Variants in GALNT5 observed in about 807,000 individuals in gnomAD.
GALNT5 encodes the protein UDP-GalNAc:polypeptide N-acetylgalactosaminyltransferase 5.
Under a neutral mutation model 85.4 loss-of-function variants are expected in GALNT5, and 72 were observed. The ratio of observed to expected loss-of-function variants is 0.84; its 90% CI spans 0.70 to 1.03. The LOEUF (loss-of-function observed/expected upper bound fraction) is 1.03. Ranked by LOEUF, GALNT5 falls within the 50% of genes least tolerant of loss-of-function variation. The pLI, the probability that GALNT5 is intolerant of heterozygous loss-of-function variation, is 0.00. For missense variants in GALNT5, 1,137 were observed against 1,135.5 expected (o/e 1.00, Z -0.02); for synonymous variants, 404 against 397.0 (o/e 1.02, Z -0.21).
Position 157,295,885 on chromosome 2 carries a change from T to C in GALNT5, c.1877+87T>C, listed in dbSNP as rs1245217838. 6.2e-6 allele frequency: 6 copies of C among 961,202 alleles called. No individual in the cohort carries two copies. In the East Asian group the frequency reaches 1.2e-4, roughly 20 times the overall value. 59.5% of individuals were successfully genotyped at this position (961,202 alleles called of 1,614,324 possible). On this transcript the variant is annotated intron_variant, in intron 4 of 9. Coordinates refer to ENST00000259056, the MANE Select transcript of GALNT5 (RefSeq NM_014568.3). ...GTGCTGAGTATATGCCTAATATGTG[T>C]GTTTTTTCAAAATCCAAGACATATA...
rs2105179411 is a variant in GALNT5 at position 157,316,974 on chromosome 2, A to C, written c.*5626A>C. Reference sequence around the variant, plus strand: ...AATGAGTCACCATCAAATAAGTAATAAATATTTTTTTCAAAAACAAGAGCT... The same window carrying C: ...AATGAGTCACCATCAAATAAGTAATCAATATTTTTTTCAAAAACAAGAGCT... On this transcript the variant is annotated 3_prime_UTR_variant, in exon 10 of 10. Transcript: ENST00000259056. 6.6e-6 allele frequency among the ~76,000 whole-genome samples: 1 copy of C among 152,040 alleles called. No individual in the cohort carries two copies. Among genetic ancestry groups the C allele is most frequent in the Admixed American group, 6.6e-5 (1 of 15,252 alleles).
At chr2:157,303,456 G>A (rs1397130775) in intron 7 of GALNT5, among the ~76,000 whole-genome samples, 4 of 152,092 alleles carry the variant, frequency 2.6e-5, no homozygotes, top group Non-Finnish European at 5.9e-5. Context: ...ATTGGAAAAT[G>A]AAATAATACA....
chr2:157,264,597 GTT>G (rs113192643), intron 1 of GALNT5, among the ~76,000 whole-genome samples: 2 of 151,002 alleles, frequency 1.3e-5, no homozygotes, highest in Admixed American at 1.3e-4. Flanking sequence ...CTAAAGAAAG[GTT>G]TTTTTTTGGC....
chr2:157,284,183 T>A, intron 1 of GALNT5, 99 bp from the exon 2 acceptor site: 1 of 826,596 alleles, frequency 1.2e-6, no homozygotes, highest in South Asian at 1.4e-5. Context: ...ACAGATTAAG[T>A]GTGTGTGTAT....
chr2:157,303,617 C>G (rs1462067606), intron 7 of GALNT5, among the ~76,000 whole-genome samples: 3 of 151,202 alleles, frequency 2.0e-5, no homozygotes, highest in Non-Finnish European at 1.5e-5. Flanking sequence ...CAAAACACTT[C>G]AGAGATGATG....
chr2:157,279,306 T>A (rs750924764), intron 1 of GALNT5, among the ~76,000 whole-genome samples: 4 of 152,202 alleles, frequency 2.6e-5, no homozygotes, highest in Non-Finnish European at 1.5e-5. Flanking sequence ...AGGCAGTCTG[T>A]CCATTCTCAG....
chr2:157,288,173 A>G (rs1322236979), intron 3 of GALNT5, among the ~76,000 whole-genome samples: 2 of 152,294 alleles, frequency 1.3e-5, no homozygotes, highest in Middle Eastern at 6.8e-3. Context: ...TGCTTACCTG[A>G]GTTTAATTTT....
chr2:157,283,096 A>G (rs954761010), intron 1 of GALNT5, among the ~76,000 whole-genome samples: 3 of 152,174 alleles, frequency 2.0e-5, no homozygotes, highest in African/African-American at 7.2e-5. Flanking sequence ...CTCAATGGTT[A>G]CTTTTGGAGC....
chr2:157,299,873 A>G (rs1042504830), intron 6 of GALNT5, among the ~76,000 whole-genome samples: 2 of 152,190 alleles, frequency 1.3e-5, no homozygotes, highest in Non-Finnish European at 2.9e-5. Context: ...ATTCCCTAAT[A>G]TTTCACAACA....
chr2:157,290,847 A>T (rs1200518945), intron 3 of GALNT5, among the ~76,000 whole-genome samples: 3 of 152,122 alleles, frequency 2.0e-5, no homozygotes, highest in African/African-American at 4.8e-5. Flanking sequence ...GAAAGTCTGC[A>T]ATCATCTACA....
intron 5 of GALNT5, among the ~76,000 whole-genome samples, 155 bp downstream of exon 5, chr2:157,296,668 A>G (rs1683220574): frequency 6.6e-6 from 1 of 152,204 alleles, no homozygotes; most frequent in South Asian, 2.1e-4. Flanking sequence ...AGTGTTCTTG[A>G]GAAATTCGTT....
chr2:157,286,180 T>A (rs1249937687), intron 3 of GALNT5, 46 bp downstream of exon 3: 1 of 1,523,750 alleles, frequency 6.6e-7, no homozygotes, highest in South Asian at 1.1e-5. Flanking sequence ...TTATTTTAAT[T>A]TAAAATGTTT....
intron 8 of GALNT5, 148 bp from the exon 9 acceptor site, chr2:157,308,419 C>T (rs1317556596): frequency 9.3e-6 from 6 of 644,648 alleles, no homozygotes; most frequent in East Asian, 5.2e-5. Flanking sequence ...CCCATACTAT[C>T]AGAATTACAA....
rs1212198203 is a variant in GALNT5, at chr2:157,301,007, C to G, written c.2439+8C>G. 1 of 1,589,942 alleles carries G rather than the reference C, an allele frequency of 6.3e-7. No homozygotes were observed. Among genetic ancestry groups the G allele is most frequent in the African/African-American group, 1.3e-5 (1 of 74,102 alleles). On this transcript the variant is annotated splice_region_variant and intron_variant, in intron 7 of 9. Transcript: ENST00000259056. Reference sequence around the variant, plus strand: ...GTGAGAGCTAGTGGTGTGGTAAGTTCAAGTGGCAATTTAAAATCTTACTCC... The same window carrying G: ...GTGAGAGCTAGTGGTGTGGTAAGTTGAAGTGGCAATTTAAAATCTTACTCC...
intron 1 of GALNT5, among the ~76,000 whole-genome samples, chr2:157,267,741 T>C (rs1574012581): frequency 1.3e-5 from 2 of 152,370 alleles, no homozygotes. Context: ...TTGATGACTT[T>C]ACATTTACCA....
At chr2:157,268,561 G>A (rs1682509592) in intron 1 of GALNT5, among the ~76,000 whole-genome samples, 1 of 152,204 alleles carries the variant, frequency 6.6e-6, no homozygotes, top group African/African-American at 2.4e-5. Context: ...TCCTAAAAGT[G>A]AGGAAACTAA....
At chr2:157,286,643 A>G (rs1682979589) in intron 3 of GALNT5, among the ~76,000 whole-genome samples, 2 of 152,172 alleles carry the variant, frequency 1.3e-5, no homozygotes, top group South Asian at 4.1e-4. Flanking sequence ...AGCTGGGATT[A>G]CAGGCACCCA....
At chr2:157,284,019 G>C (rs1473002960) in intron 1 of GALNT5, among the ~76,000 whole-genome samples, 2 of 152,128 alleles carry the variant, frequency 1.3e-5, no homozygotes, top group African/African-American at 4.8e-5. Context: ...CTCATGTCTT[G>C]CATTTCTAGT....
At chr2:157,275,893 G>C (rs2105132037) in intron 1 of GALNT5, among the ~76,000 whole-genome samples, 1 of 152,266 alleles carries the variant, frequency 6.6e-6, no homozygotes, top group South Asian at 2.1e-4. Flanking sequence ...AACTTGTCTT[G>C]TGCCAGTTTT....
Sources: gnomAD v4.1 joint callset for allele counts (sites outside exome capture counted in the v4.1 genomes callset) on GRCh38, gnomAD v4.1.1 for gene constraint, MANE v1.5 for transcripts, NCBI Gene and HGNC (gene_info 2026-07-23, HGNC 2026-07-21) for gene names.